SYNE1: variants seen among roughly 807,000 people sequenced by gnomAD.
SYNE1 encodes nesprin-1.
Under a neutral mutation model 1,111.0 loss-of-function variants are expected in SYNE1, and 616 were observed. The observed-to-expected ratio is 0.55, with a 90% CI of 0.52 to 0.59. The LOEUF (loss-of-function observed/expected upper bound fraction) is 0.59, where lower values mean the gene tolerates loss of function less well. Among genes scored for constraint, SYNE1 ranks in the 20% least tolerant of loss-of-function variants. The probability of loss-of-function intolerance (pLI) is 0.00; values close to 1 mark genes in which losing one functional copy is unlikely to be tolerated. For synonymous variants in SYNE1, 3,855 were observed against 3,825.8 expected (o/e 1.01, Z -0.28); for missense variants, 10,006 against 10,417.0 (o/e 0.96, Z 1.72).
At chr6:152,168,871 A>G (rs1407362239) in intron 130 of SYNE1, among the ~76,000 whole-genome samples, 1 of 152,186 alleles carries the variant, frequency 6.6e-6, no homozygotes, top group Non-Finnish European at 1.5e-5. Flanking sequence ...GATGACAAAA[A>G]TAACATTTTC....
Position 152,471,633 on chromosome 6 carries a change from C to T in SYNE1, c.1596G>A (p.Arg532=), listed in dbSNP as rs771982103. The part of the protein sequence containing the change: ...KLKSWIIKYG[R]RESVEQLLQN... ...GTAGAAGCTGCTCCACTGACTCTCT[C>T]CTCCCGTACTTAATGATCCAAGACT... Residue 532 remains arginine (R), a synonymous_variant, in exon 16 of 146, where the codon AGG becomes AGA. Transcript: ENST00000367255. The T allele has an allele frequency of 7.4e-6, 12 of 1,613,976 alleles. No individual in the cohort carries two copies. Among genetic ancestry groups the T allele is most frequent in the Non-Finnish European group, 1.0e-5 (12 of 1,179,878 alleles).
intron 4 of SYNE1, among the ~76,000 whole-genome samples, chr6:152,531,022 T>G (rs1391091857): frequency 1.3e-5 from 2 of 152,016 alleles, no homozygotes; most frequent in Non-Finnish European, 2.9e-5. Context: ...TGCTTGTCAC[T>G]TCATAGTTGT....
intron 56 of SYNE1, chr6:152,380,555 G>A (rs1048422270): frequency 2.1e-5 from 4 of 186,260 alleles, no homozygotes; most frequent in African/African-American, 7.2e-5. Flanking sequence ...AGAGCTAATC[G>A]GGGAGATAAC....
intron 126 of SYNE1, among the ~76,000 whole-genome samples, chr6:152,202,873 A>G (rs2075800505): frequency 6.6e-6 from 1 of 152,222 alleles, no homozygotes; most frequent in Non-Finnish European, 1.5e-5. Context: ...ATGCTGAAAC[A>G]TATGTAGCAA....
intron 5 of SYNE1, among the ~76,000 whole-genome samples, chr6:152,522,000 A>T (rs1391138407): frequency 6.6e-6 from 1 of 152,046 alleles, no homozygotes; most frequent in Non-Finnish European, 1.5e-5. Context: ...ATTCATGTAG[A>T]TTTAATTTTT....
Position 152,230,708 on chromosome 6 carries a change from C to A in SYNE1, c.21040-6G>T, listed in dbSNP as rs770171766. 6.2e-7 allele frequency: 1 copy of A among 1,613,612 alleles called. No individual in the cohort carries two copies. The highest frequency in any genetic ancestry group is 1.1e-5 in the South Asian group (1 of 91,052). On this transcript the variant is annotated splice_polypyrimidine_tract_variant and splice_region_variant and intron_variant, in intron 114 of 145. Transcript: ENST00000367255. ...AAGCCTTCCAACAGCTGGATCTGAA[C>A]AAACACAATAAAATGAAATTTGCAA...
At chr6:152,180,646 G>A (rs895259237) in intron 128 of SYNE1, among the ~76,000 whole-genome samples, 42 of 151,390 alleles carry the variant, frequency 2.8e-4, no homozygotes, top group African/African-American at 9.7e-4. Context: ...AGGAAAGAGA[G>A]ATGGTAAAGA....
At chr6:152,309,474 A>G (rs1170846187) in intron 90 of SYNE1, among the ~76,000 whole-genome samples, 1 of 152,202 alleles carries the variant, frequency 6.6e-6, no homozygotes, top group African/African-American at 2.4e-5. Context: ...CTGAAATATG[A>G]AAAAAACTCT....
chr6:152,231,532 T>C lies in SYNE1; in HGVS notation c.20898A>G (p.Thr6966=), dbSNP rs766515787. ...FKIDINCKQL[T]VDFVNQSVLQ... ...GCACGGACTGGTTCACAAAATCCAC[T>C]GTCAGCTGTTTACAGTTAATGTCTA... The change falls in exon 114 of 146, where the codon ACA becomes ACG. Residue 6966 remains threonine (T), a synonymous_variant. Transcript: ENST00000367255. The C allele has an allele frequency of 2.1e-5, 34 of 1,614,014 alleles. No homozygotes were observed. In the East Asian group the frequency reaches 6.2e-4, roughly 30 times the overall value.
chr6:152,176,542 C>T lies in SYNE1; in HGVS notation c.23479G>A (p.Ala7827Thr). The T allele has an allele frequency of 2.5e-6, 4 of 1,614,108 alleles. No homozygotes were observed. Among genetic ancestry groups the T allele is most frequent in the Non-Finnish European group, 1.7e-6 (2 of 1,179,986 alleles). ...KLKKDYQEEIAIAQENKIQLQ... is the reference protein window; with the variant it reads ...KLKKDYQEEITIAQENKIQLQ... ...TGTATTTTGTTCTCTTGAGCAATAGCAATTTCCTCTTGATAATCCTGTGTA... is the reference window on the plus strand; with the variant it reads ...TGTATTTTGTTCTCTTGAGCAATAGTAATTTCCTCTTGATAATCCTGTGTA... Residue 7827 changes from alanine (A) to threonine (T), a missense_variant, in exon 130 of 146, where the codon GCT becomes ACT. This residue lies in a region of SYNE1 where 2,182 missense variants were observed against 2,287.8 expected (regional missense o/e 0.95). Coordinates refer to ENST00000367255, the MANE Select transcript of SYNE1 (RefSeq NM_182961.4).
At chr6:152,604,069 G>A (rs2099604536) in intron 3 of SYNE1, among the ~76,000 whole-genome samples, 1 of 150,386 alleles carries the variant, frequency 6.6e-6, no homozygotes, top group South Asian at 2.1e-4. Context: ...GTTCATATAT[G>A]TATATATGTT....
At chr6:152,617,010 G>C (rs886632946) in intron 3 of SYNE1, among the ~76,000 whole-genome samples, 2 of 152,128 alleles carry the variant, frequency 1.3e-5, no homozygotes, top group African/African-American at 4.8e-5. Flanking sequence ...CTATGCAAAA[G>C]AACAATCTTG....
At chr6:152,259,265 T>C (rs758835040) in intron 101 of SYNE1, among the ~76,000 whole-genome samples, 11 of 152,190 alleles carry the variant, frequency 7.2e-5, no homozygotes, top group Admixed American at 1.3e-4. Flanking sequence ...GATCCTGTCA[T>C]AGTTGCCTAA....
rs1418882724 is a variant in SYNE1, at chr6:152,321,333, GTTC to G, written c.16138_16140del (p.Glu5380del). 6.2e-7 allele frequency: 1 copy of G among 1,613,838 alleles called. No homozygotes were observed. The highest frequency in any genetic ancestry group is 8.5e-7 in the Non-Finnish European group (1 of 1,179,894). On this transcript the variant is annotated inframe_deletion, in exon 84 of 146. Transcript: ENST00000367255. Reference sequence around the variant, plus strand: ...TAAAGACCTAAGTACTTCTCCTTCTGTTCTTCTGCCATTTTTTCAATGTTCTGT... The same window carrying G: ...TAAAGACCTAAGTACTTCTCCTTCTGTTCTGCCATTTTTTCAATGTTCTGT...
chr6:152,179,663 G>A (rs970531598), intron 129 of SYNE1, among the ~76,000 whole-genome samples: 1 of 104,670 alleles, frequency 9.6e-6, no homozygotes, highest in Non-Finnish European at 1.9e-5. Flanking sequence ...TTTATTTTAT[G>A]CTGGATATCC....
chr6:152,450,637 T>C lies in SYNE1; in HGVS notation c.3383A>G (p.Asp1128Gly). 1.9e-6 allele frequency: 3 copies of C among 1,614,158 alleles called. 1 individual carries two copies. In the South Asian group the frequency reaches 3.3e-5, roughly 18 times the overall value. ...ATTCTGAGGCTACCTGCTAGTGTAG[T>C]CCTTCCACTTGTCTGGGTCTTCCAT... is the stretch of plus-strand genomic sequence containing the variant. ...KLMEDPDKWK[D>G]YTSRFSEFSS... Residue 1128 changes from aspartate to glycine, a missense_variant, in exon 27 of 146, where the codon GAC (aspartate) becomes GGC (glycine). Around this residue, in one of 7 missense-constraint regions of SYNE1, gnomAD observed 1,971 missense variants for 2,084.1 expected, o/e 0.95. Transcript: ENST00000367255.
At chr6:152,427,270 T>G (rs1284723065) in intron 38 of SYNE1, among the ~76,000 whole-genome samples, 1 of 152,226 alleles carries the variant, frequency 6.6e-6, no homozygotes, top group African/African-American at 2.4e-5. Context: ...TATTACTTAT[T>G]TCTTTAAAAG....
chr6:152,455,916 T>C lies in SYNE1; in HGVS notation c.2697A>G (p.Arg899=), dbSNP rs75817012. ...LKHFDQTRLQ[R]QIADIHVAFQ... ...AAGCAACATGAATATCTGCAATCTG[T>C]CTTTGTAGCCTCGTCTGATCAAAAT... Residue 899 remains arginine, a synonymous_variant, in exon 23 of 146, where the codon AGA becomes AGG. Transcript: ENST00000367255. The C allele has an allele frequency of 9.6e-4, 1,551 of 1,614,122 alleles. 37 individuals carry two copies. The East Asian group carries it at 0.033, about 34-fold the overall frequency.
intron 64 of SYNE1, among the ~76,000 whole-genome samples, chr6:152,360,134 C>A (rs189915026): frequency 6.6e-6 from 1 of 152,184 alleles, no homozygotes. Context: ...AAAGTTGAAT[C>A]GTGTCGCTTC....
Sources: gnomAD v4.1 joint callset for allele counts (sites outside exome capture counted in the v4.1 genomes callset) on GRCh38, gnomAD v4.1.1 for gene constraint, gnomAD v4.1.1 regional missense constraint, MANE v1.5 for transcripts, NCBI Gene and HGNC (gene_info 2026-07-23, HGNC 2026-07-21) for gene names.